Variants in MEOX2 observed in about 807,000 individuals in gnomAD.
MEOX2 encodes the protein homeobox protein MOX-2.
Under a neutral mutation model 27.0 loss-of-function variants are expected in MEOX2, and 11 were observed. That is an observed-to-expected ratio of 0.41 (90% CI 0.26 to 0.68). MEOX2 has a LOEUF of 0.68. Among genes scored for constraint, MEOX2 ranks in the 30% least tolerant of loss-of-function variants. The pLI, the probability that MEOX2 is intolerant of heterozygous loss-of-function variation, is 0.33. For missense variants in MEOX2, 436 were observed against 385.4 expected (o/e 1.13, Z -1.10); for synonymous variants, 189 against 155.4 (o/e 1.22, Z -1.61).
intron 1 of MEOX2, among the ~76,000 whole-genome samples, chr7:15,634,392 G>A (rs1781450844): frequency 6.6e-6 from 1 of 151,886 alleles, no homozygotes; most frequent in African/African-American, 2.4e-5. Flanking sequence ...AGTGTTGTCA[G>A]ATAAAATATG....
At chr7:15,619,662 A>G (rs571658024) in intron 2 of MEOX2, among the ~76,000 whole-genome samples, 1 of 152,122 alleles carries the variant, frequency 6.6e-6, no homozygotes, top group East Asian at 1.9e-4. Flanking sequence ...ATATATATCT[A>G]TAGATAGATA....
At chr7:15,635,063 T>C (rs1158849584) in intron 1 of MEOX2, among the ~76,000 whole-genome samples, 1 of 151,996 alleles carries the variant, frequency 6.6e-6, no homozygotes, top group Non-Finnish European at 1.5e-5. Flanking sequence ...TTTAATTAAA[T>C]ACTGACTGAA....
intron 1 of MEOX2, among the ~76,000 whole-genome samples, chr7:15,636,685 T>G (rs1423539785): frequency 1.3e-5 from 2 of 152,094 alleles, no homozygotes; most frequent in Admixed American, 6.6e-5. Flanking sequence ...ATGTAATTAT[T>G]ATCTGCCTCA....
chr7:15,623,520 C>T (rs1056352430), intron 2 of MEOX2, among the ~76,000 whole-genome samples: 3 of 152,124 alleles, frequency 2.0e-5, no homozygotes, highest in Non-Finnish European at 4.4e-5. Flanking sequence ...TAGGTGCCTG[C>T]CACCACGCCT....
At chr7:15,681,469 CT>C (rs1782290667) in intron 1 of MEOX2, 1 of 134,152 alleles carries the variant, frequency 7.5e-6, no homozygotes, top group African/African-American at 3.0e-5. Flanking sequence ...ATTTACATTT[CT>C]TAAGTGCAAA....
intron 1 of MEOX2, among the ~76,000 whole-genome samples, chr7:15,672,310 CTGTA>C (rs1184187964): frequency 6.6e-6 from 1 of 152,054 alleles, no homozygotes; most frequent in African/African-American, 2.4e-5. Context: ...TGTTTCTTGA[CTGTA>C]TGTAATGCTC....
intron 1 of MEOX2, among the ~76,000 whole-genome samples, chr7:15,676,324 C>A (rs1190538785): frequency 6.6e-6 from 1 of 152,170 alleles, no homozygotes; most frequent in African/African-American, 2.4e-5. Context: ...TACATGTTTT[C>A]AGCTTTTAGT....
chr7:15,671,351 C>G (rs1782093675), intron 1 of MEOX2, among the ~76,000 whole-genome samples: 1 of 152,202 alleles, frequency 6.6e-6, no homozygotes, highest in African/African-American at 2.4e-5. Flanking sequence ...GTATCAGAGT[C>G]ATTGGTAACC....
intron 1 of MEOX2, among the ~76,000 whole-genome samples, chr7:15,639,563 T>C (rs1781529933): frequency 6.6e-6 from 1 of 151,870 alleles, no homozygotes. Context: ...AAAAAAGTTC[T>C]TCCTAGATTT....
intron 1 of MEOX2, among the ~76,000 whole-genome samples, chr7:15,643,222 C>T (rs889928260): frequency 1.3e-5 from 2 of 152,126 alleles, no homozygotes; most frequent in African/African-American, 4.8e-5. Flanking sequence ...GGGATTTTTG[C>T]TTGGCCTTTG....
intron 2 of MEOX2, among the ~76,000 whole-genome samples, chr7:15,619,376 C>T (rs1781179675): frequency 6.6e-6 from 1 of 151,816 alleles, no homozygotes; most frequent in South Asian, 2.1e-4. Flanking sequence ...ATGATATGTT[C>T]CCTAACATTA....
chr7:15,671,917 T>C (rs573644402), intron 1 of MEOX2, among the ~76,000 whole-genome samples: 1 of 151,452 alleles, frequency 6.6e-6, no homozygotes, highest in East Asian at 2.0e-4. Flanking sequence ...TACTAATCTC[T>C]ACTAATCTCT....
At chr7:15,633,168 G>C (rs539967331) in intron 1 of MEOX2, among the ~76,000 whole-genome samples, 43 of 151,942 alleles carry the variant, frequency 2.8e-4, no homozygotes, top group African/African-American at 8.0e-4. Context: ...TCTTGTTCTA[G>C]TTTATTCAGA....
intron 1 of MEOX2, among the ~76,000 whole-genome samples, chr7:15,654,727 C>G (rs1781792334): frequency 6.6e-6 from 1 of 151,568 alleles, no homozygotes; most frequent in Admixed American, 6.6e-5. Context: ...GCCTTGCAAC[C>G]CTACAGTAAA....
chr7:15,628,534 A>G (rs569127358), intron 1 of MEOX2, among the ~76,000 whole-genome samples: 1 of 152,240 alleles, frequency 6.6e-6, no homozygotes, highest in South Asian at 2.1e-4. Context: ...TGTATCAGCT[A>G]GCTTCTCACC....
chr7:15,614,238 A>G (rs1781085936), intron 2 of MEOX2, among the ~76,000 whole-genome samples: 1 of 149,150 alleles, frequency 6.7e-6, no homozygotes, highest in Non-Finnish European at 1.5e-5. Flanking sequence ...ATAAAATAAA[A>G]TAAAATAAAA....
intron 1 of MEOX2, among the ~76,000 whole-genome samples, chr7:15,674,395 A>G (rs1782158139): frequency 6.6e-6 from 1 of 152,154 alleles, no homozygotes; most frequent in Admixed American, 6.6e-5. Context: ...GGAAAAATAT[A>G]GAAGAATATG....
At chr7:15,677,042 T>C (rs189535655) in intron 1 of MEOX2, among the ~76,000 whole-genome samples, 5 of 152,272 alleles carry the variant, frequency 3.3e-5, no homozygotes, top group African/African-American at 4.8e-5. Context: ...GCCTCTTACA[T>C]AACTTGGCTA....
intron 1 of MEOX2, among the ~76,000 whole-genome samples, chr7:15,636,302 G>A (rs1194702360): frequency 6.6e-6 from 1 of 151,834 alleles, no homozygotes; most frequent in East Asian, 1.9e-4. Flanking sequence ...AATCATATCG[G>A]AAGATTAATG....
Sources: gnomAD v4.1 joint callset for allele counts (sites outside exome capture counted in the v4.1 genomes callset) on GRCh38, gnomAD v4.1.1 for gene constraint, MANE v1.5 for transcripts, NCBI Gene and HGNC (gene_info 2026-07-23, HGNC 2026-07-21) for gene names.